The following CHST8 variants were observed in gnomAD, a reference collection of about 807,000 sequenced individuals.
CHST8 encodes the protein GALNAC-4-ST1.
CHST8 carries 10 observed loss-of-function variants against 15.0 expected under a neutral mutation model. That is an observed-to-expected ratio of 0.67 (90% CI 0.41 to 1.13). CHST8 has a LOEUF of 1.13. Ranked by LOEUF, CHST8 falls within the 50% of genes most tolerant of loss-of-function variation. The pLI, the probability that CHST8 is intolerant of heterozygous loss-of-function variation, is 0.00. For missense variants in CHST8, 634 were observed against 608.2 expected, an observed-to-expected ratio of 1.04 and a Z score of -0.45; for synonymous variants, 259 against 256.6, an observed-to-expected ratio of 1.01 and a Z score of -0.09.
intron 3 of CHST8, among the ~76,000 whole-genome samples, chr19:33,705,336 C>A (rs1973426301): frequency 6.6e-6 from 1 of 152,194 alleles, no homozygotes; most frequent in Non-Finnish European, 1.5e-5. Context: ...CAGCCGGGAG[C>A]CCTGCCAGAT....
chr19:33,673,721 T>A lies in CHST8; in HGVS notation c.-87+5878T>A, dbSNP rs1972773526. Among the ~76,000 whole-genome samples, 3 of 151,792 alleles carry A rather than the reference T, an allele frequency of 2.0e-5. No individual in the cohort carries two copies. In the South Asian group the frequency reaches 6.3e-4, roughly 32 times the overall value. On this transcript the variant is annotated intron_variant, in intron 2 of 4. Transcript: ENST00000650847. ...CTGCAAGAAGGTCAAGCTGGAGGGG[T>A]CTCTAGGCTCTAGCTGAGACCCTTC...
chr19:33,726,910 C>T (rs1010157282), intron 3 of CHST8, among the ~76,000 whole-genome samples: 10 of 151,598 alleles, frequency 6.6e-5, no homozygotes, highest in African/African-American at 2.4e-4. Context: ...CACCTCGACC[C>T]GCACCTCTGC....
intron 1 of CHST8, among the ~76,000 whole-genome samples, chr19:33,632,067 TA>T (rs1972128839): frequency 6.6e-6 from 1 of 152,200 alleles, no homozygotes; most frequent in Non-Finnish European, 1.5e-5. Context: ...GACAGAGGCT[TA>T]GGGGGCAGGC....
chr19:33,739,576 G>A (rs1446933397), intron 3 of CHST8, among the ~76,000 whole-genome samples: 7 of 152,194 alleles, frequency 4.6e-5, no homozygotes, highest in Admixed American at 2.6e-4. Context: ...CACAGTGTGC[G>A]ACTCGAGTGG....
chr19:33,733,557 G>GCC (rs1974031896), intron 3 of CHST8, among the ~76,000 whole-genome samples: 1 of 152,128 alleles, frequency 6.6e-6, no homozygotes, highest in Admixed American at 6.5e-5. Flanking sequence ...TGATACCACA[G>GCC]CCCATTACCA....
intron 3 of CHST8, among the ~76,000 whole-genome samples, chr19:33,761,945 C>T (rs1974738118): frequency 6.6e-6 from 1 of 152,204 alleles, no homozygotes; most frequent in African/African-American, 2.4e-5. Flanking sequence ...AGAAACCACA[C>T]AGGGATGTGC....
At chr19:33,648,049 G>A (rs1231678559) in intron 1 of CHST8, among the ~76,000 whole-genome samples, 1 of 151,968 alleles carries the variant, frequency 6.6e-6, no homozygotes, top group Non-Finnish European at 1.5e-5. Flanking sequence ...TTTGAGCCCA[G>A]TCCTTGAGAA....
chr19:33,724,348 C>A (rs1381720293), intron 3 of CHST8, among the ~76,000 whole-genome samples: 2 of 152,162 alleles, frequency 1.3e-5, no homozygotes, highest in African/African-American at 4.8e-5. Flanking sequence ...AGCCCCCACC[C>A]GGGGGTCAGG....
chr19:33,768,093 A>C (rs1055967931), intron 3 of CHST8, among the ~76,000 whole-genome samples: 10 of 152,162 alleles, frequency 6.6e-5, no homozygotes, highest in African/African-American at 2.4e-4. Context: ...GGGGATGTGC[A>C]GACCCCTGCC....
At chr19:33,631,793 T>C (rs1238413475) in intron 1 of CHST8, among the ~76,000 whole-genome samples, 1 of 152,094 alleles carries the variant, frequency 6.6e-6, no homozygotes, top group Non-Finnish European at 1.5e-5. Context: ...CAGCCACCTC[T>C]AGGTTGCGGC....
intron 1 of CHST8, among the ~76,000 whole-genome samples, chr19:33,622,722 G>A (rs550798166): frequency 6.6e-6 from 1 of 152,254 alleles, no homozygotes; most frequent in South Asian, 2.1e-4. Context: ...GCTCGGAGCC[G>A]GGGCTCCGGA....
intron 3 of CHST8, among the ~76,000 whole-genome samples, chr19:33,693,625 GA>G (rs1475318781): frequency 6.6e-6 from 1 of 152,126 alleles, no homozygotes. Flanking sequence ...GGTTCCTATA[GA>G]ACTTTCTGTA....
intron 2 of CHST8, among the ~76,000 whole-genome samples, chr19:33,676,892 A>G (rs1972817276): frequency 6.6e-6 from 1 of 152,056 alleles, no homozygotes; most frequent in Non-Finnish European, 1.5e-5. Flanking sequence ...AAAGAAAAAA[A>G]AAAAAAGAAA....
At chr19:33,652,647 A>T (rs1170091526) in intron 1 of CHST8, among the ~76,000 whole-genome samples, 1 of 152,022 alleles carries the variant, frequency 6.6e-6, no homozygotes, top group East Asian at 1.9e-4. Context: ...AAGTGCTGGG[A>T]TTACAGGCAT....
intron 3 of CHST8, among the ~76,000 whole-genome samples, chr19:33,748,460 C>T (rs1974354674): frequency 6.6e-6 from 1 of 152,222 alleles, no homozygotes; most frequent in South Asian, 2.1e-4. Context: ...GCCGTGTCGC[C>T]CCAGGTTCCT....
intron 3 of CHST8, among the ~76,000 whole-genome samples, chr19:33,750,626 C>G (rs77718280): frequency 0.1 from 15,550 of 152,288 alleles, 1,055 homozygotes; most frequent in Non-Finnish European, 0.15. Context: ...TATTGATTCT[C>G]TTAATTGGTT....
chr19:33,648,833 TA>T (rs71181372), intron 1 of CHST8, among the ~76,000 whole-genome samples: 78,768 of 149,982 alleles, frequency 0.53, 21,422 homozygotes, highest in Admixed American at 0.64. Context: ...GATGAATGGA[TA>T]AAATATAATA....
chr19:33,706,971 C>G (rs998283957), intron 3 of CHST8, among the ~76,000 whole-genome samples: 1 of 152,118 alleles, frequency 6.6e-6, no homozygotes, highest in Admixed American at 6.5e-5. Context: ...ATTTTAGAGA[C>G]GTTTACTGAA....
chr19:33,686,767 C>A (rs554591163), intron 2 of CHST8, among the ~76,000 whole-genome samples: 2 of 152,376 alleles, frequency 1.3e-5, no homozygotes, highest in African/African-American at 2.4e-5. Flanking sequence ...TACTCAGGGG[C>A]TCGCGACAGT....
Sources: gnomAD v4.1 joint callset for allele counts (sites outside exome capture counted in the v4.1 genomes callset) on GRCh38, gnomAD v4.1.1 for gene constraint, MANE v1.5 for transcripts, NCBI Gene and HGNC (gene_info 2026-07-23, HGNC 2026-07-21) for gene names.